The following NLRP5 variants were observed in gnomAD, a reference collection of about 807,000 sequenced individuals.
NLRP5 encodes the protein NACHT, LRR and PYD domains-containing protein 5.
In NLRP5, 93 loss-of-function variants were observed where a neutral mutation model predicts 113.1. The observed-to-expected ratio is 0.82, with a 90% confidence interval of 0.70 to 0.98. NLRP5 has a LOEUF of 0.98. Among genes scored for constraint, NLRP5 ranks in the 50% least tolerant of loss-of-function variants. The pLI, the probability that NLRP5 is intolerant of heterozygous loss-of-function variation, is 0.00. For synonymous variants in NLRP5, 751 were observed against 600.7 expected (o/e 1.25, Z -3.66); for missense variants, 1,808 against 1,514.3 (o/e 1.19, Z -3.22).
Position 56,048,385 on chromosome 19 carries a change from A to C in NLRP5, c.2958-2033A>C, listed in dbSNP as rs10411929. On this transcript the variant is annotated intron_variant, in intron 11 of 14. Transcript: ENST00000390649. ...TTGATGTGTTTCCAGGATTTGTTTCAAGATTTAGAGCTCCTTTTAGTGGAG... is the reference window on the plus strand; with the variant it reads ...TTGATGTGTTTCCAGGATTTGTTTCCAGATTTAGAGCTCCTTTTAGTGGAG... 2.2e-3 allele frequency among the ~76,000 whole-genome samples: 338 copies of C among 152,284 alleles called. 2 individuals are homozygous for C. The highest frequency in any genetic ancestry group is 7.9e-3 in the African/African-American group (328 of 41,564).
chr19:56,004,190 C>T (rs1981767986), intron 2 of NLRP5, 95 bp downstream of exon 2: 2 of 1,327,840 alleles, frequency 1.5e-6, no homozygotes, highest in East Asian at 4.6e-5. Flanking sequence ...TAACCGGCTC[C>T]ACCTCTGCAG....
intron 2 of NLRP5, among the ~76,000 whole-genome samples, chr19:56,005,708 C>T (rs1003936728): frequency 1.3e-5 from 2 of 152,168 alleles, no homozygotes; most frequent in Non-Finnish European, 1.5e-5. Flanking sequence ...AGCTGCAAAA[C>T]GCTTCAAGGG....
chr19:56,046,787 C>T (rs989601114), intron 11 of NLRP5, among the ~76,000 whole-genome samples: 1 of 152,228 alleles, frequency 6.6e-6, no homozygotes, highest in Non-Finnish European at 1.5e-5. Flanking sequence ...CCGCCTCGGC[C>T]TCCCAAAGTG....
chr19:56,017,211 G>A (rs1982441423), intron 4 of NLRP5, among the ~76,000 whole-genome samples: 1 of 152,092 alleles, frequency 6.6e-6, no homozygotes, highest in South Asian at 2.1e-4. Flanking sequence ...CTGGCTAAAG[G>A]TCTGTCAATT....
At chr19:56,019,634 A>G (rs1339945281) in intron 5 of NLRP5, among the ~76,000 whole-genome samples, 1 of 152,152 alleles carries the variant, frequency 6.6e-6, no homozygotes. Flanking sequence ...TAAAGAACCC[A>G]TAATTCTAGG....
At chr19:56,049,206 T>G (rs554498746) in intron 11 of NLRP5, among the ~76,000 whole-genome samples, 1 of 147,870 alleles carries the variant, frequency 6.8e-6, no homozygotes. Context: ...AGAGACGGAG[T>G]TTTACTCTTG....
At chr19:56,029,778 T>C (rs490494) in intron 7 of NLRP5, among the ~76,000 whole-genome samples, 21,185 of 151,542 alleles carry the variant, frequency 0.14, 1,851 homozygotes, top group Non-Finnish European at 0.19. Context: ...GTGGACAGGC[T>C]GGGTGCAGTG....
intron 13 of NLRP5, among the ~76,000 whole-genome samples, chr19:56,055,260 G>A (rs1984088951): frequency 1.3e-5 from 2 of 151,932 alleles, no homozygotes; most frequent in Admixed American, 6.6e-5. Context: ...CCAAAGTGCT[G>A]GGATGACAGG....
intron 9 of NLRP5, among the ~76,000 whole-genome samples, chr19:56,037,201 C>T (rs993631321): frequency 1.4e-4 from 21 of 152,080 alleles, no homozygotes; most frequent in South Asian, 2.1e-4. Context: ...TAGCTGTGTA[C>T]GTTCCTCTTT....
At chr19:56,009,075 A>G (rs937252428) in intron 3 of NLRP5, among the ~76,000 whole-genome samples, 5 of 152,102 alleles carry the variant, frequency 3.3e-5, no homozygotes. Context: ...CTAGTGGCTC[A>G]TGCCTGTAAT....
chr19:55,988,015 C>A, the NLRP5 span: 1 of 883,224 alleles, frequency 1.1e-6, no homozygotes, highest in Non-Finnish European at 1.8e-6. Context: ...CGTACTTTCC[C>A]CTGAAACAGA....
intron 9 of NLRP5, among the ~76,000 whole-genome samples, chr19:56,036,055 A>ATTTTTTTTT (rs1261118713): frequency 7.7e-5 from 7 of 90,582 alleles, no homozygotes; most frequent in African/African-American, 3.4e-4. Context: ...ATGAATTGAG[A>ATTTTTTTTT]TTCTTTTTTT....
At chr19:56,007,025 C>T (rs1981947555) in intron 2 of NLRP5, among the ~76,000 whole-genome samples, 1 of 150,900 alleles carries the variant, frequency 6.6e-6, no homozygotes, top group Non-Finnish European at 1.5e-5. Context: ...AGGTGTGAGC[C>T]ACTGTGCCTG....
In NLRP5 at chr19:56,061,605, AC is replaced by A. The variant is rs2123350690; in HGVS notation, c.*79del. ...GCTGTTTTCTCAGAGCAAGCTATGC[AC>A]CTGGGAGTTCCTTCTCAAAGATGGA... On this transcript the variant is annotated 3_prime_UTR_variant, in exon 15 of 15. Coordinates refer to ENST00000390649, the MANE Select transcript of NLRP5 (RefSeq NM_153447.4). 2.0e-6 allele frequency: 3 copies of A among 1,472,608 alleles called. No individual in the cohort carries two copies. Among genetic ancestry groups the A allele is most frequent in the South Asian group, 2.4e-5 (2 of 84,212 alleles). The allele number at this position is 1,472,608 out of a possible 1,614,324, so 91.2% of individuals were successfully genotyped here.
intron 1 of NLRP5, among the ~76,000 whole-genome samples, chr19:56,001,638 A>C (rs1016908328): frequency 6.6e-6 from 1 of 152,156 alleles, no homozygotes; most frequent in African/African-American, 2.4e-5. Context: ...AAGCAGAGCC[A>C]AAAATCCGTG....
intron 11 of NLRP5, among the ~76,000 whole-genome samples, chr19:56,047,352 A>G (rs1599907646): frequency 6.6e-6 from 1 of 152,116 alleles, no homozygotes; most frequent in East Asian, 1.9e-4. Context: ...ATGCTCTTTC[A>G]GCCTTTTTGA....
chr19:56,032,569 A>G (rs756969415), intron 7 of NLRP5, 42 bp from the exon 8 acceptor site: 19 of 1,567,234 alleles, frequency 1.2e-5, no homozygotes, highest in Non-Finnish European at 1.5e-5. Context: ...CTCATGTTAA[A>G]CTCCATCCCA....
At chr19:56,037,917 G>A in intron 9 of NLRP5, 108 bp from the exon 10 acceptor site, 1 of 1,138,470 alleles carries the variant, frequency 8.8e-7, no homozygotes. Context: ...AGCAGACAGA[G>A]TTCGAGGACC....
rs71296979 is a variant in NLRP5, at chr19:56,009,339, C to CAAAAAAAAAAAAAAAAAAAAAAA, written c.508+506_508+507insAAAAAAAAAAAAAAAAAAAAAAA. 2.5e-4 allele frequency among the ~76,000 whole-genome samples: 11 copies of CAAAAAAAAAAAAAAAAAAAAAAA among 44,314 alleles called. 1 individual carries two copies. The highest frequency in any genetic ancestry group is 1.5e-3 in the Admixed American group (4 of 2,650). The allele number at this position is 44,314 out of a possible 152,430, so 29.1% of individuals were successfully genotyped here. A position where few individuals can be genotyped will look rare whatever the true frequency, so the allele number is the denominator to read the frequency against. ...TGGGCGACAGAACGAGACTCCATCTCAAAAAAAAAAAAAAAAAAAAGAGTT... is the reference window on the plus strand; with the variant it reads ...TGGGCGACAGAACGAGACTCCATCTCAAAAAAAAAAAAAAAAAAAAAAAAAAAAAAAAAAAAAAAAAAAGAGTT... On this transcript the variant is annotated intron_variant, in intron 3 of 14. Coordinates refer to ENST00000390649, the MANE Select transcript of NLRP5 (RefSeq NM_153447.4).
Sources: gnomAD v4.1 joint callset for allele counts (sites outside exome capture counted in the v4.1 genomes callset) on GRCh38, gnomAD v4.1.1 for gene constraint, MANE v1.5 for transcripts, NCBI Gene and HGNC (gene_info 2026-07-23, HGNC 2026-07-21) for gene names.